Variants in RIPOR1 observed in about 807,000 individuals in gnomAD.
RIPOR1 encodes rho family-interacting cell polarization regulator 1.
In RIPOR1, 58 loss-of-function variants were observed where a neutral mutation model predicts 116.5. That is an observed-to-expected ratio of 0.50 (90% CI 0.40 to 0.62). RIPOR1 has a LOEUF of 0.62. Among genes scored for constraint, RIPOR1 ranks in the 20% least tolerant of loss-of-function variants. The pLI is 0.00. For missense variants in RIPOR1, 1,372 were observed against 1,586.2 expected (o/e 0.86, Z 2.29); for synonymous variants, 605 against 650.0 (o/e 0.93, Z 1.05).
At chr16:67,523,521 T>TA (rs1169903442) in intron 1 of RIPOR1, among the ~76,000 whole-genome samples, 2,408 of 44,090 alleles carry the variant, frequency 0.055, 333 homozygotes, top group East Asian at 0.096. Flanking sequence ...CAAGACTCCA[T>TA]AAAAAAAAAA....
In RIPOR1 at chr16:67,543,339, CA is replaced by C; in HGVS notation, c.2479-7del. 2 of 1,608,396 alleles carry C rather than the reference CA, an allele frequency of 1.2e-6. No individual in the cohort carries two copies. The highest frequency in any genetic ancestry group is 1.7e-6 in the Non-Finnish European group (2 of 1,177,750). On this transcript the variant is annotated splice_polypyrimidine_tract_variant and splice_region_variant and intron_variant, in intron 13 of 21. Coordinates refer to ENST00000042381, the MANE Select transcript of RIPOR1 (RefSeq NM_024519.4). This position sits in a 1 kb window ranked among gnomAD's most constrained non-coding sequence, Gnocchi z 4.7. Reference sequence around the variant, plus strand: ...GCGGCAGCCGCTCTGATGCCCTTCACAACCTCAGCAGAGACAAGGTCTGACT... The same window carrying C: ...GCGGCAGCCGCTCTGATGCCCTTCACACCTCAGCAGAGACAAGGTCTGACT...
Position 67,540,450 on chromosome 16 carries a change from C to T in RIPOR1, c.632-8C>T. 6.2e-7 allele frequency: 1 copy of T among 1,614,174 alleles called. No individual in the cohort carries two copies. The highest frequency in any genetic ancestry group is 8.5e-7 in the Non-Finnish European group (1 of 1,180,028). On this transcript the variant is annotated splice_polypyrimidine_tract_variant and splice_region_variant and intron_variant, in intron 8 of 21. Coordinates refer to ENST00000042381, the MANE Select transcript of RIPOR1 (RefSeq NM_024519.4). The surrounding 1 kb of genome is among the most constrained non-coding windows in gnomAD (Gnocchi z 4.7). Reference sequence around the variant, plus strand: ...CTCACCGACTTCTCCCCTTCTCCTCCAACTCAGGGCTGGCTGGCTTCGCCA... The same window carrying T: ...CTCACCGACTTCTCCCCTTCTCCTCTAACTCAGGGCTGGCTGGCTTCGCCA...
At chr16:67,539,446 A>G (rs2050905380) in intron 4 of RIPOR1, 2 of 548,724 alleles carry the variant, frequency 3.6e-6, no homozygotes, top group Non-Finnish European at 3.3e-6. Context: ...TGCAGAGGGA[A>G]CCTTGCACAA....
rs1023977502 is a variant in RIPOR1, at chr16:67,531,040, G to A, written c.-24+2126G>A. On this transcript the variant is annotated intron_variant, in intron 1 of 21. Transcript: ENST00000042381. The surrounding 1 kb of genome is among the most constrained non-coding windows in gnomAD (Gnocchi z 4.2). Reference sequence around the variant, plus strand: ...AGACATCCTAGTTCCTATGGGACTCGGGGGATGGTGGCAGCAGAGGGCCAA... The same window carrying A: ...AGACATCCTAGTTCCTATGGGACTCAGGGGATGGTGGCAGCAGAGGGCCAA... 5.9e-5 allele frequency among the ~76,000 whole-genome samples: 9 copies of A among 152,116 alleles called. No homozygotes were observed. The highest frequency in any genetic ancestry group is 1.4e-4 in the African/African-American group (6 of 41,402).
At chr16:67,520,668 T>TGGC (rs2050488086) in intron 1 of RIPOR1, among the ~76,000 whole-genome samples, 1 of 151,194 alleles carries the variant, frequency 6.6e-6, no homozygotes, top group Non-Finnish European at 1.5e-5. Flanking sequence ...GGGCATGGGG[T>TGGC]GTGCACCTGT....
intron 1 of RIPOR1, among the ~76,000 whole-genome samples, chr16:67,523,475 G>A (rs1043665557): frequency 5.3e-4 from 69 of 130,314 alleles, no homozygotes; most frequent in African/African-American, 1.4e-3. Context: ...GCAGTGAGCC[G>A]AGATCGCGCC....
chr16:67,542,844 C>T lies in RIPOR1; in HGVS notation c.2058C>T (p.Thr686=). 1 of 1,613,976 alleles carries T rather than the reference C, an allele frequency of 6.2e-7. No homozygotes were observed. ...VSPSTSLELA[T]LSSPSKHSDP... ...CTTCCACTTCTCTAGAACTTGCTACCCTCTCCAGCCCCTCCAAACACTCAG... is the reference window on the plus strand; with the variant it reads ...CTTCCACTTCTCTAGAACTTGCTACTCTCTCCAGCCCCTCCAAACACTCAG... The change falls in exon 13 of 22, where the codon ACC becomes ACT. Residue 686 remains threonine (T), a synonymous_variant. Coordinates refer to ENST00000042381, the MANE Select transcript of RIPOR1 (RefSeq NM_024519.4). This position sits in a 1 kb window ranked among gnomAD's most constrained non-coding sequence, Gnocchi z 4.6.
Position 67,542,766 on chromosome 16 carries a change from T to TACCACAAGCCCCACCCATCCC in RIPOR1, c.1994_2014dup (p.Thr665_Pro671dup). ...AGACTGCCACAAGTCCCACCCATCCTACCACAAGCCCCACCCATCCCACCA... is the reference window on the plus strand; with the variant it reads ...AGACTGCCACAAGTCCCACCCATCCTACCACAAGCCCCACCCATCCCACCACAAGCCCCACCCATCCCACCA... On this transcript the variant is annotated inframe_insertion, in exon 13 of 22. Coordinates refer to ENST00000042381, the MANE Select transcript of RIPOR1 (RefSeq NM_024519.4). The surrounding 1 kb of genome is among the most constrained non-coding windows in gnomAD (Gnocchi z 4.6). The TACCACAAGCCCCACCCATCCC allele has an allele frequency of 3.7e-6, 6 of 1,612,774 alleles. No individual in the cohort carries two copies. The highest frequency in any genetic ancestry group is 5.1e-6 in the Non-Finnish European group (6 of 1,179,734).
chr16:67,539,429 GT>G, intron 4 of RIPOR1: 2 of 540,486 alleles, frequency 3.7e-6, no homozygotes, highest in East Asian at 6.4e-5. Flanking sequence ...CTTGATGGGA[GT>G]TCCCCTGCAG....
intron 1 of RIPOR1, among the ~76,000 whole-genome samples, chr16:67,536,439 A>G (rs1217131674): frequency 6.6e-6 from 1 of 152,086 alleles, no homozygotes; most frequent in Non-Finnish European, 1.5e-5. Context: ...CACAGAAAAA[A>G]AAAGAGAGGT....
chr16:67,538,432 G>T lies in RIPOR1; in HGVS notation c.-15G>T. On this transcript the variant is annotated 5_prime_UTR_variant, in exon 2 of 22. Transcript: ENST00000042381. ...CCCCCGATCACCCGCAGGGAGCCCC[G>T]CGCGGACTCACTCTATGATGTCCCT... is the stretch of plus-strand genomic sequence containing the variant. 6.3e-7 allele frequency: 1 copy of T among 1,586,708 alleles called. No individual in the cohort carries two copies. Among genetic ancestry groups the T allele is most frequent in the Non-Finnish European group, 8.6e-7 (1 of 1,166,678 alleles).
At chr16:67,533,822 T>C (rs1489339228) in intron 1 of RIPOR1, among the ~76,000 whole-genome samples, 6 of 111,362 alleles carry the variant, frequency 5.4e-5, no homozygotes, top group African/African-American at 1.7e-4. Context: ...TTTTTTTTTT[T>C]CTGAGATGGA....
chr16:67,539,236 T>C, intron 4 of RIPOR1, 168 bp downstream of exon 4: 1 of 618,272 alleles, frequency 1.6e-6, no homozygotes, highest in South Asian at 2.1e-5. Context: ...CAAACTTTGC[T>C]GTGCATACTT....
chr16:67,546,679 A>C lies in RIPOR1; in HGVS notation c.*216A>C. On this transcript the variant is annotated 3_prime_UTR_variant, in exon 22 of 22. Coordinates refer to ENST00000042381, the MANE Select transcript of RIPOR1 (RefSeq NM_024519.4). ...CGGCTCAGCACATCCCTTGCCACAA[A>C]TCAGTGTCTGGGGCTTGGCCACCCT... 1.7e-6 allele frequency: 1 copy of C among 576,176 alleles called. No homozygotes were observed. The allele number at this position is 576,176 out of a possible 1,614,324, so 35.7% of individuals were successfully genotyped here.
In RIPOR1 at chr16:67,537,364, C is replaced by G; in HGVS notation, c.-23-1060C>G. The G allele has an allele frequency of 2.4e-6, 3 of 1,226,560 alleles. No homozygotes were observed. The highest frequency in any genetic ancestry group is 3.1e-6 in the Non-Finnish European group (3 of 983,588). 76.0% of individuals were successfully genotyped at this position (1,226,560 alleles called of 1,614,324 possible). ...AGCAGACCCCTCGCCCCCCGTCGGT[C>G]CCCTCCCCGAGGGGAACCCCAGTCA... On this transcript the variant is annotated intron_variant, in intron 1 of 21. Coordinates refer to ENST00000042381, the MANE Select transcript of RIPOR1 (RefSeq NM_024519.4). The surrounding 1 kb of genome is among the most constrained non-coding windows in gnomAD (Gnocchi z 4.6).
Position 67,540,385 on chromosome 16 carries a change from TG to T in RIPOR1, c.631+28del. On this transcript the variant is annotated intron_variant, in intron 8 of 21. Transcript: ENST00000042381. The surrounding 1 kb of genome is among the most constrained non-coding windows in gnomAD (Gnocchi z 4.7). ...AAAGGTACTGAGTTGTGGGGGCAGG[TG>T]GGGGGCTGGAGGGAGTATGCTGAAG... The T allele has an allele frequency of 8.7e-6, 14 of 1,614,000 alleles. No homozygotes were observed. The highest frequency in any genetic ancestry group is 1.2e-5 in the Non-Finnish European group (14 of 1,179,958).
At chr16:67,535,784 G>A (rs1162319979) in intron 1 of RIPOR1, among the ~76,000 whole-genome samples, 2 of 152,200 alleles carry the variant, frequency 1.3e-5, no homozygotes, top group Non-Finnish European at 1.5e-5. Context: ...CAGGTGATAA[G>A]GCTGGGGATG....
rs1382736907 is a variant in RIPOR1 at position 67,543,655 on chromosome 16, T to C, written c.2600+186T>C. The C allele has an allele frequency of 2.7e-6, 2 of 747,236 alleles. No individual in the cohort carries two copies. The highest frequency in any genetic ancestry group is 1.7e-5 in the South Asian group (1 of 57,892). The allele number at this position is 747,236 out of a possible 1,614,324, so 46.3% of individuals were successfully genotyped here. Reference sequence around the variant, plus strand: ...ACCTGTGTCCACCCCTCCCATGTCCTTCATGCCCATGTCTCCAACCCTACG... The same window carrying C: ...ACCTGTGTCCACCCCTCCCATGTCCCTCATGCCCATGTCTCCAACCCTACG... On this transcript the variant is annotated intron_variant, in intron 14 of 21. Transcript: ENST00000042381. This position sits in a 1 kb window ranked among gnomAD's most constrained non-coding sequence, Gnocchi z 4.7.
chr16:67,537,472 C>A lies in RIPOR1; in HGVS notation c.-23-952C>A. Reference sequence around the variant, plus strand: ...GCGCCGGGAGGAGCCGAAGCCGAGCCAGAGCCGCTGGGAGCGAGCCCGGAG... The same window carrying A: ...GCGCCGGGAGGAGCCGAAGCCGAGCAAGAGCCGCTGGGAGCGAGCCCGGAG... On this transcript the variant is annotated intron_variant, in intron 1 of 21. Coordinates refer to ENST00000042381, the MANE Select transcript of RIPOR1 (RefSeq NM_024519.4). The surrounding 1 kb of genome is among the most constrained non-coding windows in gnomAD (Gnocchi z 4.6). The A allele has an allele frequency of 1.6e-6, 2 of 1,252,352 alleles. No individual in the cohort carries two copies. The highest frequency in any genetic ancestry group is 3.0e-5 in the South Asian group (1 of 33,070). The allele number at this position is 1,252,352 out of a possible 1,614,324, so 77.6% of individuals were successfully genotyped here.
Sources: gnomAD v4.1 joint callset for allele counts (sites outside exome capture counted in the v4.1 genomes callset) on GRCh38, gnomAD v4.1.1 for gene constraint, Gnocchi (gnomAD v3.1) non-coding constraint, MANE v1.5 for transcripts, NCBI Gene and HGNC (gene_info 2026-07-23, HGNC 2026-07-21) for gene names.